CLPX: variants seen among roughly 807,000 people sequenced by gnomAD.
CLPX encodes the protein caseinolytic mitochondrial matrix peptidase chaperone subunit X, also known as ATP-dependent clpX-like chaperone, mitochondrial.
CLPX carries 34 observed loss-of-function variants against 76.4 expected under a neutral mutation model. That is an observed-to-expected ratio of 0.45 (90% CI 0.34 to 0.59). The LOEUF is 0.59. Ranked by LOEUF, CLPX falls within the 20% of genes least tolerant of loss-of-function variation. The pLI, the probability that CLPX is intolerant of heterozygous loss-of-function variation, is 0.01. For missense variants in CLPX, 613 were observed against 757.0 expected, an observed-to-expected ratio of 0.81 and a Z score of 2.23; for synonymous variants, 248 against 270.9, an observed-to-expected ratio of 0.92 and a Z score of 0.83.
chr15:65,154,815 A>C lies in CLPX; in HGVS notation c.1578T>G (p.Ile526Met). Residue 526 changes from isoleucine (I) to methionine (M), a missense_variant, in exon 11 of 14, where the codon ATT (isoleucine) becomes ATG (methionine). Physicochemically the swap from Ile to Met is conservative, Grantham distance 10. Coordinates refer to ENST00000300107, the MANE Select transcript of CLPX (RefSeq NM_006660.5). ...QILTEPRNAV[I>M]PQYQALFSMD... Reference sequence around the variant, plus strand: ...TGCTGAATAAGGCCTGGTACTGAGGAATAACAGCATTTCGTGGCTCAGTTA... The same window carrying C: ...TGCTGAATAAGGCCTGGTACTGAGGCATAACAGCATTTCGTGGCTCAGTTA... 1 of 1,614,060 alleles carries C rather than the reference A, an allele frequency of 6.2e-7. No homozygotes were observed. The highest frequency in any genetic ancestry group is 8.5e-7 in the Non-Finnish European group (1 of 1,179,896).
rs184383546 is a variant in CLPX, at chr15:65,177,122, G to A, written c.358+1812C>T. On this transcript the variant is annotated intron_variant, in intron 3 of 13. Coordinates refer to ENST00000300107, the MANE Select transcript of CLPX (RefSeq NM_006660.5). ...ACTCTGTCGCCCAGGCTGGAGAAGT[G>A]CAGTGGTGTGATTTTGGCTCACCAT... Among the ~76,000 whole-genome samples, 72 of 151,822 alleles carry A rather than the reference G, an allele frequency of 4.7e-4. 1 individual carries two copies. Among genetic ancestry groups the A allele is most frequent in the Admixed American group, 4.3e-3 (66 of 15,220 alleles).
chr15:65,163,878 T>C (rs2087879839), intron 5 of CLPX, 151 bp downstream of exon 5: 1 of 702,208 alleles, frequency 1.4e-6, no homozygotes, highest in Admixed American at 2.8e-5. Flanking sequence ...TGTTGGCAAA[T>C]GATTTCATAA....
intron 6 of CLPX, among the ~76,000 whole-genome samples, chr15:65,160,592 TTCTC>T (rs1226717522): frequency 0.057 from 6,682 of 118,246 alleles, 220 homozygotes; most frequent in Non-Finnish European, 0.079. Flanking sequence ...CATTCACTCA[TTCTC>T]TCTCTCTCTC....
intron 3 of CLPX, among the ~76,000 whole-genome samples, chr15:65,168,172 G>A (rs1372536669): frequency 6.6e-6 from 1 of 151,216 alleles, no homozygotes; most frequent in Non-Finnish European, 1.5e-5. Flanking sequence ...GACAGATCAC[G>A]AGGTCAGGAG....
In CLPX at chr15:65,149,490, A is replaced by G; in HGVS notation, c.*1333T>C. The G allele has an allele frequency of 5.3e-6, 2 of 378,268 alleles. No homozygotes were observed. The highest frequency in any genetic ancestry group is 3.9e-5 in the South Asian group (2 of 51,070). 23.4% of individuals were successfully genotyped at this position (378,268 alleles called of 1,614,324 possible). A position where few individuals can be genotyped will look rare whatever the true frequency, so the allele number is the denominator to read the frequency against. On this transcript the variant is annotated 3_prime_UTR_variant, in exon 14 of 14. Transcript: ENST00000300107. Reference sequence around the variant, plus strand: ...ACTCTGTCTCAAAAAAATAAAATAAAATAGATATATAACTTTCTGAAGATT... The same window carrying G: ...ACTCTGTCTCAAAAAAATAAAATAAGATAGATATATAACTTTCTGAAGATT...
rs759420054 is a variant in CLPX, at chr15:65,160,621, T to TCA, written c.716-1871_716-1870insTG. ...CTCTCTCTCTCTCTCTCTCTCTCTC[T>TCA]CTCACACACACACACACACACACAC... On this transcript the variant is annotated intron_variant, in intron 6 of 13. Transcript: ENST00000300107. 2.9e-3 allele frequency among the ~76,000 whole-genome samples: 369 copies of TCA among 128,532 alleles called. 2 individuals are homozygous for TCA. The highest frequency in any genetic ancestry group is 0.01 in the African/African-American group (326 of 31,994). 84.3% of individuals were successfully genotyped at this position (128,532 alleles called of 152,430 possible). A position where few individuals can be genotyped will look rare whatever the true frequency, so the allele number is the denominator to read the frequency against.
intron 3 of CLPX, among the ~76,000 whole-genome samples, chr15:65,169,579 C>G (rs13329136): frequency 0.71 from 108,343 of 151,682 alleles, 40,515 homozygotes; most frequent in East Asian, 0.99. Flanking sequence ...ACTAGCCGGG[C>G]ATGGTAACTA....
At chr15:65,162,690 G>T (rs1566981319) in intron 5 of CLPX, 45 bp from the exon 6 acceptor site, 2 of 1,162,908 alleles carry the variant, frequency 1.7e-6, no homozygotes, top group Non-Finnish European at 1.3e-6. Flanking sequence ...TACCTTGGGG[G>T]AACAAACAAT....
chr15:65,172,920 T>C (rs995959744), intron 3 of CLPX, among the ~76,000 whole-genome samples: 7 of 152,062 alleles, frequency 4.6e-5, no homozygotes, highest in Admixed American at 3.9e-4. Context: ...GATGCTGAGG[T>C]GGGAGGACAA....
At chr15:65,174,274 C>CT (rs1566985275) in intron 3 of CLPX, among the ~76,000 whole-genome samples, 1 of 143,426 alleles carries the variant, frequency 7.0e-6, no homozygotes, top group Non-Finnish European at 1.5e-5. Flanking sequence ...TGCCTGGCCT[C>CT]TTTTTTTTGA....
Position 65,150,583 on chromosome 15 carries a change from A to G in CLPX, c.*240T>C, listed in dbSNP as rs1475354091. 1 of 317,766 alleles carries G rather than the reference A, an allele frequency of 3.1e-6. No individual in the cohort carries two copies. The highest frequency in any genetic ancestry group is 2.1e-5 in the African/African-American group (1 of 46,712). 19.7% of individuals were successfully genotyped at this position (317,766 alleles called of 1,614,324 possible). ...AAAGCATATTTTTTTTAAAAAACTG[A>G]ACCAAAATAATGTACATTTTATCTC... On this transcript the variant is annotated 3_prime_UTR_variant, in exon 14 of 14. Transcript: ENST00000300107.
chr15:65,159,141 T>C (rs2087823958), intron 6 of CLPX, among the ~76,000 whole-genome samples: 1 of 152,244 alleles, frequency 6.6e-6, no homozygotes, highest in African/African-American at 2.4e-5. Flanking sequence ...TTTATGTTCC[T>C]GTTTCCTAAT....
chr15:65,156,540 A>C (rs2140616113), intron 9 of CLPX: 1 of 318,338 alleles, frequency 3.1e-6, no homozygotes, highest in East Asian at 6.5e-5. Flanking sequence ...AGTTAGAATC[A>C]TAACTTTCTT....
At chr15:65,185,028 C>A (rs747197323) in intron 1 of CLPX, 47 bp downstream of exon 1, 18 of 1,434,958 alleles carry the variant, frequency 1.3e-5, no homozygotes, top group East Asian at 2.5e-5. Context: ...GCCAGTCCAC[C>A]CCCCCCCCGA....
Position 65,162,597 on chromosome 15 carries a change from CACTT to C in CLPX, c.715+3_715+6del. On this transcript the variant is annotated splice_donor_5th_base_variant and intron_variant, in intron 6 of 13. Coordinates refer to ENST00000300107, the MANE Select transcript of CLPX (RefSeq NM_006660.5). ...ATGATTACAGAGGAGGACCTGAAGT[CACTT>C]ACTTGTAAATCTGTACTCATCCTCC... The C allele has an allele frequency of 6.3e-7, 1 of 1,576,406 alleles. No individual in the cohort carries two copies. The highest frequency in any genetic ancestry group is 8.7e-7 in the Non-Finnish European group (1 of 1,149,562).
chr15:65,160,538 G>T (rs963603112), intron 6 of CLPX, among the ~76,000 whole-genome samples: 1 of 150,292 alleles, frequency 6.7e-6, no homozygotes, highest in Non-Finnish European at 1.5e-5. Context: ...GGGAAAAAAT[G>T]ATTTAGATGT....
At chr15:65,164,267 T>C in intron 4 of CLPX, 79 bp from the exon 5 acceptor site, 1 of 1,149,630 alleles carries the variant, frequency 8.7e-7, no homozygotes, top group Non-Finnish European at 1.2e-6. Flanking sequence ...TTACTAAGCA[T>C]ATTTGCTTAC....
chr15:65,178,610 T>C (rs2088120610), intron 3 of CLPX, among the ~76,000 whole-genome samples: 1 of 151,944 alleles, frequency 6.6e-6, no homozygotes, highest in African/African-American at 2.4e-5. Context: ...TCACCCAGGA[T>C]GGGGTACAGT....
intron 7 of CLPX, 130 bp downstream of exon 7, chr15:65,158,445 G>A (rs1417916572): frequency 2.8e-6 from 2 of 707,148 alleles, no homozygotes. Flanking sequence ...TACTGATAGT[G>A]TATCTAGATG....
Sources: gnomAD v4.1 joint callset for allele counts (sites outside exome capture counted in the v4.1 genomes callset) on GRCh38, gnomAD v4.1.1 for gene constraint, MANE v1.5 for transcripts, NCBI Gene and HGNC (gene_info 2026-07-23, HGNC 2026-07-21) for gene names.